IGFN1: variants seen among roughly 807,000 people sequenced by gnomAD.
IGFN1 encodes the protein immunoglobulin-like and fibronectin type III domain-containing protein 1.
Under a neutral mutation model 289.5 loss-of-function variants are expected in IGFN1, and 253 were observed. That is an observed-to-expected ratio of 0.87 (90% CI 0.79 to 0.97). The LOEUF is 0.97. IGFN1 is among the 50% of genes least tolerant of loss of function. The pLI is 0.00. For missense variants in IGFN1, 4,470 were observed against 4,686.1 expected, an observed-to-expected ratio of 0.95 and a Z score of 1.35; for synonymous variants, 1,706 against 1,788.5, an observed-to-expected ratio of 0.95 and a Z score of 1.16.
At position 201,200,382 on chromosome 1, in the gene IGFN1, A is replaced by C. The variant is rs565360108; in HGVS notation, c.604A>C (p.Lys202Gln). The C allele has an allele frequency of 2.4e-5, 37 of 1,551,620 alleles. No individual in the cohort carries two copies. The highest frequency in any genetic ancestry group is 3.2e-5 in the Non-Finnish European group (37 of 1,147,006). Reference protein sequence around the residue: ...RGMLRRLQEMKKEQEDKMAQY... With the variant: ...RGMLRRLQEMQKEQEDKMAQY... The stretch of plus-strand genomic sequence containing the variant: ...CATGTTGCGCAGGCTGCAGGAGATG[A>C]AGAAGGAACAGGAGGACAAGATGGC... Residue 202 changes from lysine to glutamine, a missense_variant, in exon 8 of 24, where the codon AAG becomes CAG. Physicochemically the swap from Lys to Gln is moderately conservative, Grantham distance 53. Coordinates refer to ENST00000335211, the MANE Select transcript of IGFN1 (RefSeq NM_001164586.2).
chr1:201,220,731 A>T (rs1289625961), intron 18 of IGFN1, among the ~76,000 whole-genome samples: 1 of 152,262 alleles, frequency 6.6e-6, no homozygotes, highest in Non-Finnish European at 1.5e-5. Context: ...AAGTTTGAGA[A>T]GTACTGCCCT....
At chr1:201,216,324 C>A in intron 15 of IGFN1, 130 bp from the exon 16 acceptor site, 2 of 702,522 alleles carry the variant, frequency 2.8e-6, no homozygotes, top group East Asian at 2.8e-5. Context: ...TGCCCCATTG[C>A]AGGCTTATCT....
chr1:201,225,774 G>T (rs754686749), intron 21 of IGFN1, 50 bp from the exon 22 acceptor site: 28 of 1,532,456 alleles, frequency 1.8e-5, no homozygotes, highest in Non-Finnish European at 8.8e-7. Context: ...GCTGGTAGCA[G>T]CCCTGCTGGG....
intron 5 of IGFN1, among the ~76,000 whole-genome samples, chr1:201,198,464 G>T (rs187804270): frequency 6.6e-6 from 1 of 152,042 alleles, no homozygotes; most frequent in East Asian, 1.9e-4. Context: ...GAGACCTGTT[G>T]CCCAGGCTGG....
Position 201,193,276 on chromosome 1 carries a change from C to A in IGFN1, c.-18C>A. The A allele has an allele frequency of 6.5e-7, 1 of 1,535,066 alleles. No individual in the cohort carries two copies. The highest frequency in any genetic ancestry group is 8.8e-7 in the Non-Finnish European group (1 of 1,131,518). ...ATAGAACTTCTACCCTCAGAGGAGTCAAAGAGGAGGCAGAACTATGGCAGG... is the reference window on the plus strand; with the variant it reads ...ATAGAACTTCTACCCTCAGAGGAGTAAAAGAGGAGGCAGAACTATGGCAGG... On this transcript the variant is annotated 5_prime_UTR_variant, in exon 2 of 24. Transcript: ENST00000335211.
At position 201,215,720 on chromosome 1, in the gene IGFN1, G is replaced by A; in HGVS notation, c.9177G>A (p.Gly3059=). 6.2e-7 allele frequency: 1 copy of A among 1,612,948 alleles called. No homozygotes were observed. The highest frequency in any genetic ancestry group is 8.5e-7 in the Non-Finnish European group (1 of 1,179,540). The part of the protein sequence containing the change: ...SSDREAQVDL[G]DGYTRLCLPS... ...ACAGGGAGGCCCAGGTGGACCTGGG[G>A]GATGGCTACACGCGGCTGTGCCTCC... The change falls in exon 15 of 24, where the codon GGG becomes GGA. Residue 3059 remains glycine (G), a synonymous_variant. Coordinates refer to ENST00000335211, the MANE Select transcript of IGFN1 (RefSeq NM_001164586.2).
chr1:201,218,550 G>A lies in IGFN1; in HGVS notation c.9790G>A (p.Asp3264Asn). Residue 3264 changes from aspartate (D) to asparagine (N), a missense_variant, in exon 18 of 24, where the codon GAC becomes AAC. Asp to Asn is a conservative substitution (Grantham distance 23, BLOSUM62 1). Around this residue, in one of 8 missense-constraint regions of IGFN1, gnomAD observed 2,218 missense variants for 2,114.1 expected, o/e 1.05. Transcript: ENST00000335211. ...PVPERRWTVA[D>N]VRQGCQYEFR... is the part of the protein sequence containing the mutation. ...CACAGAGAGGAGGTGGACGGTGGCGGACGTGCGGCAGGGCTGTCAGTATGA... is the reference window on the plus strand; with the variant it reads ...CACAGAGAGGAGGTGGACGGTGGCGAACGTGCGGCAGGGCTGTCAGTATGA... 1 of 1,613,458 alleles carries A rather than the reference G, an allele frequency of 6.2e-7. No individual in the cohort carries two copies.
At chr1:201,198,899 A>G (rs1390388109) in intron 5 of IGFN1, among the ~76,000 whole-genome samples, 1 of 152,248 alleles carries the variant, frequency 6.6e-6, no homozygotes, top group Non-Finnish European at 1.5e-5. Flanking sequence ...AAATGGCTGC[A>G]GGATTAGCCA....
rs1262718257 is a variant in IGFN1 at position 201,207,015 on chromosome 1, G to C, written c.2122G>C (p.Ala708Pro). 6.5e-7 allele frequency: 1 copy of C among 1,536,624 alleles called. No homozygotes were observed. The highest frequency in any genetic ancestry group is 8.7e-7 in the Non-Finnish European group (1 of 1,146,750). Residue 708 changes from alanine to proline, a missense_variant, in exon 12 of 24, where the codon GCC (alanine) becomes CCC (proline). By Grantham distance (27) the Ala-to-Pro change is conservative (BLOSUM62 -1). Around this residue, in one of 8 missense-constraint regions of IGFN1, gnomAD observed 2,011 missense variants for 1,953.4 expected, o/e 1.03. Coordinates refer to ENST00000335211, the MANE Select transcript of IGFN1 (RefSeq NM_001164586.2). ...AGGTAGAGATGCTGACTATGGGGAAGCCAGGGGCTACTGGGGGTCAGGAGA... is the reference window on the plus strand; with the variant it reads ...AGGTAGAGATGCTGACTATGGGGAACCCAGGGGCTACTGGGGGTCAGGAGA... ...QGGRDADYGE[A>P]RGYWGSGELL...
Position 201,228,742 on chromosome 1 carries a change from G to T in IGFN1, c.*343G>T. The T allele has an allele frequency of 3.0e-6, 1 of 329,766 alleles. No individual in the cohort carries two copies. Among genetic ancestry groups the T allele is most frequent in the Non-Finnish European group, 5.7e-6 (1 of 175,342 alleles). 20.4% of individuals were successfully genotyped at this position (329,766 alleles called of 1,614,324 possible). On this transcript the variant is annotated 3_prime_UTR_variant, in exon 24 of 24. Coordinates refer to ENST00000335211, the MANE Select transcript of IGFN1 (RefSeq NM_001164586.2). ...CCGGCTCCTTATTTTCCTGGGCTGA[G>T]CCGTTTGGAGGGAGGGTGGGCACAG...
At chr1:201,199,425 G>C in intron 6 of IGFN1, 47 bp downstream of exon 6, 1 of 1,531,468 alleles carries the variant, frequency 6.5e-7, no homozygotes, top group Non-Finnish European at 8.9e-7. Context: ...TGGGGGATAG[G>C]CTACTCCTTT....
chr1:201,216,353 G>T (rs1653274723), intron 15 of IGFN1, 101 bp from the exon 16 acceptor site: 2 of 931,790 alleles, frequency 2.1e-6, no homozygotes, highest in Admixed American at 2.9e-5. Flanking sequence ...GTGGATGGGG[G>T]TGGGGGGGAG....
rs1314141995 is a variant in IGFN1, at chr1:201,227,192, C to T, written c.11097C>T (p.Ala3699=). The change falls in exon 23 of 24, where the codon GCC becomes GCT. Residue 3699 remains alanine (A), a synonymous_variant. Transcript: ENST00000335211. ...ENTLGQAVST[A]TLIVIEPST ...CGCTGGGCCAGGCAGTCAGCACTGC[C>T]ACCCTCATTGTCATAGGTAATGGTG... The T allele has an allele frequency of 6.3e-7, 1 of 1,596,214 alleles. No individual in the cohort carries two copies. The highest frequency in any genetic ancestry group is 1.1e-5 in the South Asian group (1 of 88,820).
intron 9 of IGFN1, among the ~76,000 whole-genome samples, chr1:201,202,336 G>A (rs776648586): frequency 2.0e-5 from 3 of 152,042 alleles, no homozygotes; most frequent in African/African-American, 7.2e-5. Flanking sequence ...CCCATGCCTC[G>A]GCTTCCTCAC....
At chr1:201,220,816 T>C (rs376417017) in intron 18 of IGFN1, among the ~76,000 whole-genome samples, 8 of 152,236 alleles carry the variant, frequency 5.3e-5, no homozygotes, top group African/African-American at 1.9e-4. Context: ...ATGCCTAGAC[T>C]GCACCCCAGA....
chr1:201,205,163 C>T lies in IGFN1; in HGVS notation c.998C>T (p.Ser333Phe). The T allele has an allele frequency of 6.4e-7, 1 of 1,551,242 alleles. No individual in the cohort carries two copies. The highest frequency in any genetic ancestry group is 1.7e-4 in the Middle Eastern group (1 of 5,992). ...QGDAVFECTL[S>F]SPCPSAAWHF... ...GACGCAGTCTTTGAATGTACCCTCTCCAGCCCCTGCCCTAGTGCAGCCTGG... is the reference window on the plus strand; with the variant it reads ...GACGCAGTCTTTGAATGTACCCTCTTCAGCCCCTGCCCTAGTGCAGCCTGG... The change falls in exon 11 of 24, where the codon TCC (serine) becomes TTC (phenylalanine). Residue 333 changes from serine to phenylalanine, a missense_variant. By Grantham distance (155) the Ser-to-Phe change is radical (BLOSUM62 -2). Coordinates refer to ENST00000335211, the MANE Select transcript of IGFN1 (RefSeq NM_001164586.2).
Position 201,211,744 on chromosome 1 carries a change from C to A in IGFN1, c.6851C>A (p.Ala2284Glu). The A allele has an allele frequency of 6.5e-7, 1 of 1,536,906 alleles. No homozygotes were observed. The highest frequency in any genetic ancestry group is 1.2e-5 in the South Asian group (1 of 84,052). The change falls in exon 12 of 24, where the codon GCA becomes GAA. Residue 2284 changes from alanine (A) to glutamate (E), a missense_variant. Ala to Glu is a moderately radical substitution (Grantham distance 107). Coordinates refer to ENST00000335211, the MANE Select transcript of IGFN1 (RefSeq NM_001164586.2). ...GGAAAAATCAGTTCAGGGGATGAGG[C>A]AGGTTATAAGAATGTTTTAGGGGGT... ...SSGKISSGDEAGYKNVLGGSG... is the reference protein window; with the variant it reads ...SSGKISSGDEEGYKNVLGGSG...
chr1:201,201,596 G>A (rs1035611523), intron 8 of IGFN1, 123 bp from the exon 9 acceptor site: 4 of 594,904 alleles, frequency 6.7e-6, no homozygotes, highest in East Asian at 5.7e-5. Context: ...TTGTAAAAGG[G>A]GCCAATGCAT....
At chr1:201,225,246 G>A (rs927507720) in intron 21 of IGFN1, among the ~76,000 whole-genome samples, 4 of 152,220 alleles carry the variant, frequency 2.6e-5, no homozygotes, top group Non-Finnish European at 5.9e-5. Flanking sequence ...CTCCCCAGCT[G>A]TGGCTCCACA....
Sources: gnomAD v4.1 joint callset for allele counts (sites outside exome capture counted in the v4.1 genomes callset) on GRCh38, gnomAD v4.1.1 for gene constraint, gnomAD v4.1.1 regional missense constraint, MANE v1.5 for transcripts, NCBI Gene and HGNC (gene_info 2026-07-23, HGNC 2026-07-21) for gene names.